The following ZNF624 variants were observed in gnomAD, a reference collection of about 807,000 sequenced individuals.
ZNF624 encodes the protein zinc finger protein 624.
In ZNF624, 43 loss-of-function variants were observed where a neutral mutation model predicts 74.7. The observed-to-expected ratio is 0.58, with a 90% CI of 0.45 to 0.74. The LOEUF (loss-of-function observed/expected upper bound fraction) is 0.74, where lower values mean the gene tolerates loss of function less well. Among genes scored for constraint, ZNF624 ranks in the 30% least tolerant of loss-of-function variants. ZNF624 has a pLI of 0.00. For synonymous variants in ZNF624, 331 were observed against 341.3 expected (o/e 0.97, Z 0.33); for missense variants, 820 against 1,030.0 (o/e 0.80, Z 2.79).
intron 1 of ZNF624, among the ~76,000 whole-genome samples, chr17:16,653,111 T>C (rs72835920): frequency 0.074 from 11,269 of 152,312 alleles, 577 homozygotes; most frequent in Middle Eastern, 0.18. Flanking sequence ...ATGTTTTTGC[T>C]GAGAATCTCA....
intron 3 of ZNF624, among the ~76,000 whole-genome samples, chr17:16,641,332 G>A (rs1172479068): frequency 2.0e-5 from 3 of 151,960 alleles, no homozygotes; most frequent in Non-Finnish European, 4.4e-5. Context: ...GCCCAGGCTG[G>A]AGTACAGTGG....
chr17:16,624,311 G>T lies in ZNF624; in HGVS notation c.575C>A (p.Pro192Gln). The T allele has an allele frequency of 6.2e-7, 1 of 1,613,158 alleles. No individual in the cohort carries two copies. The highest frequency in any genetic ancestry group is 1.3e-5 in the African/African-American group (1 of 74,844). The change falls in exon 6 of 6, where the codon CCA (proline) becomes CAA (glutamine). Residue 192 changes from proline (P) to glutamine (Q), a missense_variant. Transcript: ENST00000311331. ...QENHLSQRII[P>Q]LKKTPTSQRG... ...TTGACTAGTGGGAGTCTTCTTGAGT[G>T]GAATTATTCTTTGACTCAAATGATT...
At chr17:16,616,295 A>G (rs560068544), downstream of ZNF624, among the ~76,000 whole-genome samples, 1 of 152,258 alleles carries the variant, frequency 6.6e-6, no homozygotes, top group African/African-American at 2.4e-5. Flanking sequence ...AGTAGAATTT[A>G]CGTTGTTTCC....
chr17:16,635,359 T>C (rs62073662), intron 3 of ZNF624, among the ~76,000 whole-genome samples: 7,815 of 152,236 alleles, frequency 0.051, 267 homozygotes, highest in Middle Eastern at 0.099. Context: ...ACATTTTCAA[T>C]GTTACCTATC....
chr17:16,629,612 G>C (rs547381651), intron 5 of ZNF624, among the ~76,000 whole-genome samples: 1 of 152,024 alleles, frequency 6.6e-6, no homozygotes, highest in African/African-American at 2.4e-5. Flanking sequence ...CTGTTACCCA[G>C]GCTGGAGTGC....
chr17:16,623,274 T>C lies in ZNF624; in HGVS notation c.1612A>G (p.Ile538Val). 6.2e-7 allele frequency: 1 copy of C among 1,613,996 alleles called. No homozygotes were observed. The highest frequency in any genetic ancestry group is 2.2e-5 in the East Asian group (1 of 44,870). Residue 538 changes from isoleucine to valine, a missense_variant, in exon 6 of 6, where the codon ATT becomes GTT. Transcript: ENST00000311331. The surrounding 1 kb of genome is among the most constrained non-coding windows in gnomAD (Gnocchi z 5.3). ...YKCNECGKAF[I>V]NYSCLTVHHR... ...TGTACAGTAAGGCATGAATAATTAA[T>C]GAATGCTTTCCCACATTCATTACAT... is the stretch of plus-strand genomic sequence containing the variant.
At chr17:16,634,060 G>A (rs1909269696) in intron 4 of ZNF624, 103 bp from the exon 5 acceptor site, 1 of 796,426 alleles carries the variant, frequency 1.3e-6, no homozygotes, top group Non-Finnish European at 1.9e-6. Flanking sequence ...GACCATTACA[G>A]GAAGTTCTAG....
intron 2 of ZNF624, 89 bp from the exon 3 acceptor site, chr17:16,647,483 T>C (rs747731691): frequency 3.8e-5 from 41 of 1,073,800 alleles, no homozygotes; most frequent in Admixed American, 2.9e-4. Context: ...CCACTGTGGA[T>C]GCAGTGTATA....
rs150223124 is a variant in ZNF624 at position 16,650,029 on chromosome 17, T to C, written c.-2-283A>G. ...TAGTAGGAATAATATTCCCATTCCA[T>C]AGATGAGGAAACTGAACCTAAAAAA... On this transcript the variant is annotated intron_variant, in intron 1 of 5. Coordinates refer to ENST00000311331, the MANE Select transcript of ZNF624 (RefSeq NM_020787.4). Among the ~76,000 whole-genome samples, 8 of 152,228 alleles carry C rather than the reference T, an allele frequency of 5.3e-5. No homozygotes were observed. The East Asian group carries it at 1.5e-3, about 29-fold the overall frequency.
chr17:16,625,265 T>G (rs1329010397), intron 5 of ZNF624, among the ~76,000 whole-genome samples: 1 of 149,734 alleles, frequency 6.7e-6, no homozygotes, highest in African/African-American at 2.4e-5. Context: ...CACTGCAACC[T>G]CCACCTCCTG....
rs934950673 is a variant in ZNF624 at position 16,620,942 on chromosome 17, A to G, written c.*1346T>C. The G allele has an allele frequency of 6.6e-6, 1 of 152,066 alleles. No individual in the cohort carries two copies. The highest frequency in any genetic ancestry group is 2.4e-5 in the African/African-American group (1 of 41,452). The allele number at this position is 152,066 out of a possible 1,614,324, so 9.4% of individuals were successfully genotyped here. ...TTACATTTACAGTTTTATACCATAA[A>G]GGCAGCATTTACATTTTTCTGTTTT... On this transcript the variant is annotated 3_prime_UTR_variant, in exon 6 of 6. Transcript: ENST00000311331.
At chr17:16,616,267 T>C (rs1908790923), downstream of ZNF624, among the ~76,000 whole-genome samples, 1 of 152,070 alleles carries the variant, frequency 6.6e-6, no homozygotes, top group Non-Finnish European at 1.5e-5. Flanking sequence ...GGTCTGAGGC[T>C]TGCCTTGTTT....
At chr17:16,645,945 C>CAAAAAAAAA (rs35486112) in intron 3 of ZNF624, among the ~76,000 whole-genome samples, 35 of 55,956 alleles carry the variant, frequency 6.3e-4, no homozygotes, top group African/African-American at 9.9e-4. Flanking sequence ...GACTCCATCT[C>CAAAAAAAAA]AAAAAAAAAA....
intron 3 of ZNF624, among the ~76,000 whole-genome samples, chr17:16,643,962 G>C (rs1267845745): frequency 1.3e-5 from 2 of 152,146 alleles, no homozygotes; most frequent in Non-Finnish European, 2.9e-5. Context: ...GATCCCTCAT[G>C]AATGCCTTGG....
chr17:16,617,215 C>T, downstream of ZNF624: 3 of 1,612,642 alleles, frequency 1.9e-6, no homozygotes, highest in South Asian at 1.1e-5. Context: ...GGAACGGGAG[C>T]GACTTTTTGA....
At chr17:16,652,948 G>C (rs1038046794) in intron 1 of ZNF624, among the ~76,000 whole-genome samples, 1 of 152,218 alleles carries the variant, frequency 6.6e-6, no homozygotes, top group Non-Finnish European at 1.5e-5. Flanking sequence ...TCATTATGCA[G>C]AAGATATCTA....
chr17:16,617,355 A>G, downstream of ZNF624: 2 of 1,613,596 alleles, frequency 1.2e-6, no homozygotes, highest in East Asian at 2.2e-5. Context: ...CAATAAGCCT[A>G]ATATTTCTGC....
At position 16,622,166 on chromosome 17, in the gene ZNF624, G is replaced by T; in HGVS notation, c.*122C>A. The T allele has an allele frequency of 1.5e-6, 1 of 656,478 alleles. No individual in the cohort carries two copies. Among genetic ancestry groups the T allele is most frequent in the Non-Finnish European group, 2.3e-6 (1 of 430,318 alleles). The allele number at this position is 656,478 out of a possible 1,614,324, so 40.7% of individuals were successfully genotyped here. On this transcript the variant is annotated 3_prime_UTR_variant, in exon 6 of 6. Transcript: ENST00000311331. ...TTATTAAATGATTTCCCACATAATTGCTTATAGTTTCTCTGTATACTTTCT... is the reference window on the plus strand; with the variant it reads ...TTATTAAATGATTTCCCACATAATTTCTTATAGTTTCTCTGTATACTTTCT...
chr17:16,617,637 T>C (rs1406342931), downstream of ZNF624: 1 of 1,608,128 alleles, frequency 6.2e-7, no homozygotes, highest in East Asian at 2.2e-5. Flanking sequence ...GCGGCTTCCG[T>C]AGCTGTAGCT....
Sources: allele counts gnomAD v4.1 joint callset (sites outside exome capture counted in the v4.1 genomes callset), GRCh38; gene constraint gnomAD v4.1.1; non-coding constraint Gnocchi (gnomAD v3.1); transcripts MANE v1.5; gene names NCBI Gene and HGNC (gene_info 2026-07-23, HGNC 2026-07-21).